ITCH: variants seen among roughly 807,000 people sequenced by gnomAD.
ITCH encodes the protein itchy E3 ubiquitin protein ligase, also known as E3 ubiquitin-protein ligase Itchy homolog.
A neutral mutation model predicts 126.8 loss-of-function variants in ITCH; 28 were observed. The observed-to-expected ratio is 0.22, with a 90% CI of 0.16 to 0.30. The LOEUF is 0.30. Among genes scored for constraint, ITCH ranks in the 10% least tolerant of loss-of-function variants. The pLI is 1.00. For synonymous variants in ITCH, 342 were observed against 340.0 expected (o/e 1.01, Z -0.06); for missense variants, 631 against 1,032.4 (o/e 0.61, Z 5.33).
chr20:34,385,222 G>GTTT (rs1186821960), intron 2 of ITCH, among the ~76,000 whole-genome samples: 1,071 of 85,122 alleles, frequency 0.013, 88 homozygotes, highest in Middle Eastern at 0.026. Flanking sequence ...TGTGTGTGTG[G>GTTT]TTTTTTTTTT....
intron 13 of ITCH, among the ~76,000 whole-genome samples, chr20:34,459,760 A>T (rs1394492500): frequency 1.3e-5 from 2 of 152,192 alleles, no homozygotes; most frequent in Admixed American, 1.3e-4. Flanking sequence ...AAAAATAAAT[A>T]AAAAAAGATA....
Position 34,507,876 on chromosome 20 carries a change from T to C in ITCH, c.*82T>C. ...TCTGCCTGTTGCACATCTTGTAAAA[T>C]TGGACAATGGCTCTTTAGAGAGTTA... On this transcript the variant is annotated 3_prime_UTR_variant, in exon 25 of 25. Coordinates refer to ENST00000374864, the MANE Select transcript of ITCH (RefSeq NM_031483.7). 3.1e-6 allele frequency: 3 copies of C among 980,894 alleles called. No homozygotes were observed. Among genetic ancestry groups the C allele is most frequent in the Non-Finnish European group, 4.9e-6 (3 of 610,266 alleles). The allele number at this position is 980,894 out of a possible 1,614,324, so 60.8% of individuals were successfully genotyped here.
At chr20:34,385,207 GT>G (rs2038229788) in intron 2 of ITCH, among the ~76,000 whole-genome samples, 68 of 141,614 alleles carry the variant, frequency 4.8e-4, no homozygotes, top group African/African-American at 1.6e-3. Context: ...GTGTGTGTGT[GT>G]GTGTGTGTGT....
chr20:34,468,499 AAG>A (rs1391516882), intron 14 of ITCH, among the ~76,000 whole-genome samples: 1 of 151,962 alleles, frequency 6.6e-6, no homozygotes, highest in Non-Finnish European at 1.5e-5. Flanking sequence ...AGATGAGAAA[AAG>A]AAATACAGGC....
chr20:34,499,178 G>A (rs1307137496), intron 23 of ITCH, among the ~76,000 whole-genome samples: 4 of 146,018 alleles, frequency 2.7e-5, no homozygotes, highest in Admixed American at 6.8e-5. Context: ...GTTTCACCGC[G>A]TTAGCCAGGA....
chr20:34,420,198 C>G (rs959692441), intron 6 of ITCH, among the ~76,000 whole-genome samples: 3 of 152,154 alleles, frequency 2.0e-5, no homozygotes, highest in Admixed American at 2.0e-4. Flanking sequence ...CCATCTGTCT[C>G]TAGTTTCAGA....
intron 3 of ITCH, among the ~76,000 whole-genome samples, chr20:34,398,996 G>A (rs1249481377): frequency 1.3e-5 from 2 of 152,136 alleles, no homozygotes; most frequent in Non-Finnish European, 1.5e-5. Flanking sequence ...TAATGACATC[G>A]TGGGTTTTAA....
At chr20:34,381,733 C>T (rs2038073224) in intron 2 of ITCH, among the ~76,000 whole-genome samples, 2 of 151,882 alleles carry the variant, frequency 1.3e-5, no homozygotes, top group South Asian at 4.2e-4. Context: ...GCGTGTGTGC[C>T]TGTATGTAGT....
At chr20:34,381,813 A>G (rs1485207384) in intron 2 of ITCH, among the ~76,000 whole-genome samples, 1 of 151,394 alleles carries the variant, frequency 6.6e-6, no homozygotes, top group Non-Finnish European at 1.5e-5. Context: ...ATAGTGAGCC[A>G]TGATCACACC....
At chr20:34,488,278 T>A (rs1989273571) in intron 20 of ITCH, among the ~76,000 whole-genome samples, 1 of 152,178 alleles carries the variant, frequency 6.6e-6, no homozygotes, top group Non-Finnish European at 1.5e-5. Flanking sequence ...CATCTTTATT[T>A]CACCTTCATT....
chr20:34,385,164 C>T (rs1340364758), intron 2 of ITCH, among the ~76,000 whole-genome samples: 3 of 149,910 alleles, frequency 2.0e-5, no homozygotes, highest in Admixed American at 1.3e-4. Flanking sequence ...ACAGTAGGCA[C>T]ATGCCACCAC....
chr20:34,393,943 C>T, intron 3 of ITCH, 62 bp downstream of exon 3: 1 of 1,473,040 alleles, frequency 6.8e-7, no homozygotes, highest in Non-Finnish European at 9.5e-7. Flanking sequence ...AAAAATAATC[C>T]TGAGAGGGCC....
chr20:34,373,134 C>T (rs934142774), intron 2 of ITCH, among the ~76,000 whole-genome samples: 3 of 151,978 alleles, frequency 2.0e-5, no homozygotes, highest in African/African-American at 7.3e-5. Flanking sequence ...GCCACCACGC[C>T]CAGCTAATTT....
At chr20:34,397,748 C>T (rs1469902611) in intron 3 of ITCH, among the ~76,000 whole-genome samples, 1 of 151,898 alleles carries the variant, frequency 6.6e-6, no homozygotes, top group Non-Finnish European at 1.5e-5. Flanking sequence ...CACCCCTCAT[C>T]CTCAATCTAG....
In ITCH at chr20:34,438,523, A is replaced by G. The variant is rs904147573; in HGVS notation, c.571A>G (p.Asn191Asp). Residue 191 changes from asparagine to aspartate, a missense_variant, in exon 8 of 25, where the codon AAT becomes GAT. Asn to Asp is a conservative substitution (Grantham distance 23, BLOSUM62 1). Around this residue, in one of 4 missense-constraint regions of ITCH, gnomAD observed 220 missense variants for 265.7 expected, o/e 0.83. Transcript: ENST00000374864. ...CCCTGAAGATGCAGGAGCTGGTGAA[A>G]ATAGGAGAGTCAGTGGGAATAATTC... ...DDPEDAGAGE[N>D]RRVSGNNSPS... 2 of 1,613,934 alleles carry G rather than the reference A, an allele frequency of 1.2e-6. No individual in the cohort carries two copies. The highest frequency in any genetic ancestry group is 2.7e-5 in the African/African-American group (2 of 74,904).
intron 20 of ITCH, among the ~76,000 whole-genome samples, chr20:34,486,466 T>C (rs1371714496): frequency 6.6e-6 from 1 of 151,184 alleles, no homozygotes; most frequent in Non-Finnish European, 1.5e-5. Flanking sequence ...GCTGGGATTA[T>C]AGGCACCCGC....
chr20:34,492,812 A>G (rs993930776), intron 23 of ITCH, among the ~76,000 whole-genome samples: 1 of 152,236 alleles, frequency 6.6e-6, no homozygotes, highest in African/African-American at 2.4e-5. Context: ...CAGCTAACTC[A>G]TTAGGACAGC....
chr20:34,457,550 T>G, intron 13 of ITCH, 76 bp downstream of exon 13: 1 of 1,031,614 alleles, frequency 9.7e-7, no homozygotes, highest in South Asian at 1.3e-5. Flanking sequence ...AAGATCAAAG[T>G]TCATATTCTT....
intron 7 of ITCH, 79 bp downstream of exon 7, chr20:34,424,604 T>C (rs1283622857): frequency 8.6e-7 from 1 of 1,167,324 alleles, no homozygotes; most frequent in African/African-American, 1.5e-5. Flanking sequence ...AAACTTCAGG[T>C]TCATGATATA....
Sources: allele counts gnomAD v4.1 joint callset (sites outside exome capture counted in the v4.1 genomes callset), GRCh38; gene constraint gnomAD v4.1.1; regional missense constraint gnomAD v4.1.1; transcripts MANE v1.5; gene names NCBI Gene and HGNC (gene_info 2026-07-23, HGNC 2026-07-21).